Variants in PDE1A observed in about 807,000 individuals in gnomAD.
The protein encoded by PDE1A is phosphodiesterase 1A.
Under a neutral mutation model 61.7 loss-of-function variants are expected in PDE1A, and 35 were observed. The ratio of observed to expected loss-of-function variants is 0.57; its 90% CI spans 0.43 to 0.75. PDE1A has a LOEUF of 0.75. Among genes scored for constraint, PDE1A ranks in the 30% least tolerant of loss-of-function variants. The probability of loss-of-function intolerance (pLI) is 0.00; values close to 1 mark genes in which losing one functional copy is unlikely to be tolerated. For synonymous variants in PDE1A, 232 were observed against 213.2 expected, an observed-to-expected ratio of 1.09 and a Z score of -0.77; for missense variants, 597 against 630.6, an observed-to-expected ratio of 0.95 and a Z score of 0.57.
intron 1 of PDE1A, among the ~76,000 whole-genome samples, chr2:182,324,243 G>C (rs1039769169): frequency 6.6e-6 from 1 of 151,950 alleles, no homozygotes; most frequent in African/African-American, 2.4e-5. Flanking sequence ...TCAGTGATTA[G>C]AGAACAGGGA....
chr2:182,573,397 T>TAA, the PDE1A span, among the ~76,000 whole-genome samples: 1 of 151,868 alleles, frequency 6.6e-6, no homozygotes, highest in African/African-American at 2.4e-5. Flanking sequence ...AATCATTTTT[T>TAA]AAAAAAAATA....
chr2:182,524,659 A>G (rs1690743692), upstream of PDE1A, among the ~76,000 whole-genome samples: 1 of 152,134 alleles, frequency 6.6e-6, no homozygotes, highest in South Asian at 2.1e-4. Flanking sequence ...TGACCAAGAT[A>G]ATCTTCATCC....
intron 13 of PDE1A, among the ~76,000 whole-genome samples, chr2:182,179,510 A>T (rs1371652421): frequency 6.6e-6 from 1 of 152,204 alleles, no homozygotes; most frequent in Admixed American, 6.5e-5. Flanking sequence ...CAAAATTCAA[A>T]ACAATAATTA....
At chr2:182,466,210 T>G (rs1400342862) in intron 2 of PDE1A, among the ~76,000 whole-genome samples, 1 of 152,084 alleles carries the variant, frequency 6.6e-6, no homozygotes, top group Non-Finnish European at 1.5e-5. Context: ...ACCACAAGTT[T>G]CATCTTCTAT....
intron 7 of PDE1A, among the ~76,000 whole-genome samples, chr2:182,218,578 C>A (rs1209034128): frequency 6.6e-6 from 1 of 152,192 alleles, no homozygotes; most frequent in South Asian, 2.1e-4. Context: ...CACCCCAGTC[C>A]CTCATAACCA....
chr2:182,263,983 C>G (rs1290025575), intron 2 of PDE1A, among the ~76,000 whole-genome samples: 1 of 152,134 alleles, frequency 6.6e-6, no homozygotes, highest in Non-Finnish European at 1.5e-5. Context: ...CCAGTATAAG[C>G]CTACACGTAA....
intron 2 of PDE1A, among the ~76,000 whole-genome samples, chr2:182,486,804 T>G (rs4666840): frequency 0.17 from 26,462 of 152,038 alleles, 2,595 homozygotes; most frequent in Middle Eastern, 0.31. Context: ...TAGACCTAGA[T>G]GTAAGAGCTA....
At chr2:182,274,844 T>A (rs997729601) in intron 1 of PDE1A, among the ~76,000 whole-genome samples, 1 of 152,160 alleles carries the variant, frequency 6.6e-6, no homozygotes, top group African/African-American at 2.4e-5. Context: ...CTCAGAATCA[T>A]TGTAAATAAT....
At chr2:182,693,590 A>AT in the PDE1A span, among the ~76,000 whole-genome samples, 3 of 126,342 alleles carry the variant, frequency 2.4e-5, no homozygotes, top group East Asian at 4.7e-4. Flanking sequence ...TTTTTCAAGT[A>AT]TTTTTTTCTT....
At chr2:182,228,214 G>C (rs1689292397) in intron 6 of PDE1A, among the ~76,000 whole-genome samples, 1 of 152,112 alleles carries the variant, frequency 6.6e-6, no homozygotes, top group African/African-American at 2.4e-5. Context: ...AGGTGTATGA[G>C]CATCAACTCT....
At chr2:182,267,225 C>G (rs1412040931) in intron 1 of PDE1A, among the ~76,000 whole-genome samples, 2 of 152,054 alleles carry the variant, frequency 1.3e-5, no homozygotes, top group Non-Finnish European at 2.9e-5. Flanking sequence ...TGAACATGCC[C>G]TTTCACACAG....
At chr2:182,384,451 A>G (rs1244161954) in intron 1 of PDE1A, among the ~76,000 whole-genome samples, 2 of 123,466 alleles carry the variant, frequency 1.6e-5, no homozygotes, top group Non-Finnish European at 3.3e-5. Flanking sequence ...AAAATTTAAT[A>G]AAGAGAAAAT....
chr2:182,529,137 G>A, the PDE1A span, among the ~76,000 whole-genome samples: 1 of 152,190 alleles, frequency 6.6e-6, no homozygotes, highest in Non-Finnish European at 1.5e-5. Context: ...CGTGCACGTG[G>A]ATAGGTACCA....
intron 13 of PDE1A, among the ~76,000 whole-genome samples, chr2:182,175,578 A>G (rs1692671701): frequency 8.9e-6 from 1 of 112,608 alleles, no homozygotes; most frequent in East Asian, 2.4e-4. Context: ...TAGATTCTGG[A>G]TATTAGCCCT....
At chr2:182,608,046 A>C in the PDE1A span, among the ~76,000 whole-genome samples, 1 of 152,306 alleles carries the variant, frequency 6.6e-6, no homozygotes, top group African/African-American at 2.4e-5. Context: ...AATACCCCTA[A>C]AAGAAGCCTT....
At chr2:182,504,589 A>G (rs1179063916) in intron 2 of PDE1A, among the ~76,000 whole-genome samples, 1 of 152,198 alleles carries the variant, frequency 6.6e-6, no homozygotes, top group African/African-American at 2.4e-5. Flanking sequence ...TAAACTGGGT[A>G]TTATTTCGGT....
At chr2:182,528,489 T>C in the PDE1A span, among the ~76,000 whole-genome samples, 16 of 152,262 alleles carry the variant, frequency 1.1e-4, no homozygotes, top group African/African-American at 3.9e-4. Flanking sequence ...GCATAAAAGT[T>C]TGGAATATTT....
chr2:182,372,844 A>G (rs1700190526), intron 1 of PDE1A, among the ~76,000 whole-genome samples: 1 of 152,204 alleles, frequency 6.6e-6, no homozygotes, highest in African/African-American at 2.4e-5. Flanking sequence ...CACCAAGATG[A>G]CTCATAAGAC....
the PDE1A span, among the ~76,000 whole-genome samples, chr2:182,618,622 A>G: frequency 2.6e-5 from 4 of 152,176 alleles, no homozygotes; most frequent in African/African-American, 9.6e-5. Flanking sequence ...TAGAATTGAC[A>G]GTTTTCTCTG....
Sources: gnomAD v4.1 joint callset for allele counts (sites outside exome capture counted in the v4.1 genomes callset) on GRCh38, gnomAD v4.1.1 for gene constraint, MANE v1.5 for transcripts, NCBI Gene and HGNC (gene_info 2026-07-23, HGNC 2026-07-21) for gene names.